POR: variants seen among roughly 807,000 people sequenced by gnomAD.
POR encodes the protein NADPH--cytochrome P450 reductase.
A neutral mutation model predicts 84.0 loss-of-function variants in POR; 56 were observed. The observed-to-expected ratio is 0.67, with a 90% CI of 0.54 to 0.83. The LOEUF (loss-of-function observed/expected upper bound fraction) is 0.83, where lower values mean the gene tolerates loss of function less well. Among genes scored for constraint, POR ranks in the 40% least tolerant of loss-of-function variants. The pLI is 0.00. For missense variants in POR, 938 were observed against 944.3 expected (o/e 0.99, Z 0.09); for synonymous variants, 414 against 400.5 (o/e 1.03, Z -0.40).
Position 75,986,349 on chromosome 7 carries a change from C to T in POR, c.1911C>T (p.Asn637=). Residue 637 remains asparagine, a synonymous_variant, in exon 16 of 16, where the codon AAC becomes AAT. Transcript: ENST00000461988. Reference sequence around the variant, plus strand: ...TCTTCCTGCCCAGGGATGCACGGAACATGGCCAGGGATGTGCAGAACACCT... The same window carrying T: ...TCTTCCTGCCCAGGGATGCACGGAATATGGCCAGGGATGTGCAGAACACCT... The T allele has an allele frequency of 1.2e-6, 2 of 1,612,518 alleles. No homozygotes were observed. Among genetic ancestry groups the T allele is most frequent in the Non-Finnish European group, 1.7e-6 (2 of 1,179,798 alleles).
Position 75,951,329 on chromosome 7 carries a change from G to A in POR, c.-4-2660G>A, listed in dbSNP as rs577061856. Among the ~76,000 whole-genome samples, 29 of 152,226 alleles carry A rather than the reference G, an allele frequency of 1.9e-4. 1 individual carries two copies. In the South Asian group the frequency reaches 5.8e-3, roughly 30 times the overall value. On this transcript the variant is annotated intron_variant, in intron 1 of 15. Transcript: ENST00000461988. ...GAATCGCTTGAACCCAGGAGGCGGA[G>A]GTTGCAGTGAGTCGAGATGGTGCCA...
chr7:75,933,231 A>G (rs191198916), intron 1 of POR, among the ~76,000 whole-genome samples: 10 of 152,224 alleles, frequency 6.6e-5, no homozygotes, highest in African/African-American at 1.9e-4. Context: ...GAAGTCTGGT[A>G]GAATGGCTAA....
At chr7:75,948,722 C>T (rs1787289038) in intron 1 of POR, among the ~76,000 whole-genome samples, 1 of 152,190 alleles carries the variant, frequency 6.6e-6, no homozygotes. Context: ...TTCAACAAAT[C>T]GACATAAATG....
intron 2 of POR, among the ~76,000 whole-genome samples, chr7:75,968,837 G>A (rs1334687022): frequency 6.6e-6 from 1 of 152,236 alleles, no homozygotes; most frequent in Non-Finnish European, 1.5e-5. Context: ...GGGCCAGCCA[G>A]CCTGGCATTC....
chr7:75,932,202 C>T (rs576328732), intron 1 of POR, among the ~76,000 whole-genome samples: 4 of 143,676 alleles, frequency 2.8e-5, no homozygotes, highest in Non-Finnish European at 4.5e-5. Flanking sequence ...TTTTTTGAGA[C>T]AAATTCTGTC....
At chr7:75,957,218 T>C (rs4728533) in intron 2 of POR, among the ~76,000 whole-genome samples, 119,954 of 151,974 alleles carry the variant, frequency 0.79, 49,291 homozygotes, top group Non-Finnish European at 0.91. Flanking sequence ...GGAATTGGTG[T>C]GGGGATCAGA....
chr7:75,934,003 A>G (rs1483313016), intron 1 of POR, among the ~76,000 whole-genome samples: 1 of 151,324 alleles, frequency 6.6e-6, no homozygotes, highest in Non-Finnish European at 1.5e-5. Flanking sequence ...TACAGTGATC[A>G]ATAGCAGGAA....
chr7:75,922,953 G>A (rs1806949596), intron 1 of POR: 4 of 679,022 alleles, frequency 5.9e-6, no homozygotes, highest in South Asian at 3.2e-5. Context: ...ATGACAAGGT[G>A]TGTCTCAGAC....
intron 6 of POR, 150 bp from the exon 7 acceptor site, chr7:75,981,366 TC>T: frequency 8.5e-7 from 1 of 1,176,122 alleles, no homozygotes; most frequent in Non-Finnish European, 1.2e-6. Flanking sequence ...CCTGGAGCCT[TC>T]CTGATGCTCT....
At chr7:75,948,026 G>A (rs782119320) in intron 1 of POR, among the ~76,000 whole-genome samples, 17 of 152,262 alleles carry the variant, frequency 1.1e-4, no homozygotes, top group South Asian at 8.3e-4. Context: ...CTTTCGCACC[G>A]CATGCCAGAC....
chr7:75,946,009 C>T (rs1787158375), intron 1 of POR, among the ~76,000 whole-genome samples: 1 of 152,156 alleles, frequency 6.6e-6, no homozygotes, highest in South Asian at 2.1e-4. Context: ...GCCCCCCAGC[C>T]TGTGTGCTCC....
At chr7:75,956,429 A>G (rs1191303131) in intron 2 of POR, among the ~76,000 whole-genome samples, 5 of 152,230 alleles carry the variant, frequency 3.3e-5, no homozygotes, top group African/African-American at 1.2e-4. Context: ...AGTGAAGAAA[A>G]TAGATGAATG....
chr7:75,985,786 C>T lies in POR; in HGVS notation c.1606C>T (p.Pro536Ser). 2 of 1,571,454 alleles carry T rather than the reference C, an allele frequency of 1.3e-6. No individual in the cohort carries two copies. Among genetic ancestry groups the T allele is most frequent in the Non-Finnish European group, 1.7e-6 (2 of 1,159,086 alleles). The change falls in exon 13 of 16, where the codon CCC (proline) becomes TCC (serine). Residue 536 changes from proline (P) to serine (S), a missense_variant. Transcript: ENST00000461988. The stretch of plus-strand genomic sequence containing the variant: ...CACCACGCCTGTCATCATGGTGGGC[C>T]CCGGCACCGGGGTGGCACCCTTCAT...
At chr7:75,937,608 C>T (rs1223567555) in intron 1 of POR, among the ~76,000 whole-genome samples, 1 of 150,472 alleles carries the variant, frequency 6.6e-6, no homozygotes, top group African/African-American at 2.4e-5. Context: ...ATGGCGAAAC[C>T]CCATCTCTAC....
At chr7:75,940,783 CAAAAAAG>C (rs1343337797) in intron 1 of POR, among the ~76,000 whole-genome samples, 37 of 148,754 alleles carry the variant, frequency 2.5e-4, no homozygotes, top group Non-Finnish European at 4.9e-4. Context: ...GACTCCATCT[CAAAAAAG>C]AAAAAAGAAA....
chr7:75,980,515 C>G (rs782256737), intron 5 of POR, 27 bp downstream of exon 5: 1 of 1,612,724 alleles, frequency 6.2e-7, no homozygotes, highest in South Asian at 1.1e-5. Context: ...CTGCTATGGG[C>G]TCCCGGTGGC....
chr7:75,964,583 C>T (rs532031515), intron 2 of POR, among the ~76,000 whole-genome samples: 18 of 152,350 alleles, frequency 1.2e-4, no homozygotes, highest in East Asian at 3.9e-4. Context: ...GTTGGGATTA[C>T]AGGTGTGAGC....
intron 1 of POR, among the ~76,000 whole-genome samples, chr7:75,953,065 C>A (rs1396391139): frequency 1.3e-5 from 2 of 152,186 alleles, no homozygotes; most frequent in Admixed American, 6.5e-5. Context: ...GTCTGCAATC[C>A]CGGCACCTCG....
rs147470878 is a variant in POR at position 75,937,513 on chromosome 7, T to C, written c.-4-16476T>C. On this transcript the variant is annotated intron_variant, in intron 1 of 15. Coordinates refer to ENST00000461988, the MANE Select transcript of POR (RefSeq NM_000941.3). ...AAAAAAAAAAGAAGGCCGTGTTTGG[T>C]GGCTCACGTCTGTAATCCCAGCACT... Among the ~76,000 whole-genome samples, 271 of 137,156 alleles carry C rather than the reference T, an allele frequency of 2.0e-3. 14 individuals carry two copies. The South Asian group carries it at 0.057, about 29-fold the overall frequency. 90.0% of individuals were successfully genotyped at this position (137,156 alleles called of 152,430 possible).
Sources: gnomAD v4.1 joint callset for allele counts (sites outside exome capture counted in the v4.1 genomes callset) on GRCh38, gnomAD v4.1.1 for gene constraint, MANE v1.5 for transcripts, NCBI Gene and HGNC (gene_info 2026-07-23, HGNC 2026-07-21) for gene names.